UGT2A1: variants seen among roughly 807,000 people sequenced by gnomAD.
The protein encoded by UGT2A1 is UDP glucuronosyltransferase family 2 member A1 complex locus, also known as UDP-glucuronosyltransferase 2A1.
A neutral mutation model predicts 45.4 loss-of-function variants in UGT2A1; 61 were observed. The observed-to-expected ratio is 1.34, with a 90% CI of 1.09 to 1.66. The LOEUF (loss-of-function observed/expected upper bound fraction) is 1.66, where lower values mean the gene tolerates loss of function less well. Ranked by LOEUF, UGT2A1 falls within the 40% of genes most tolerant of loss-of-function variation. The pLI is 0.00. For missense variants in UGT2A1, 649 were observed against 574.3 expected (o/e 1.13, Z -1.33); for synonymous variants, 229 against 196.2 (o/e 1.17, Z -1.40).
chr4:69,646,991 T>A lies in UGT2A1; in HGVS notation c.654A>T (p.Leu218=). 2 of 1,611,658 alleles carry A rather than the reference T, an allele frequency of 1.2e-6. No individual in the cohort carries two copies. The highest frequency in any genetic ancestry group is 2.2e-5 in the South Asian group (2 of 90,792). ...AAAGAGTTTCAAACATGTAGTCCTG[T>A]AGGTGGTAGGAGATGAAATTTCTTA... ...DRIRNFISYH[L]QDYMFETLWK... Residue 218 remains leucine (L), a synonymous_variant, in exon 2 of 7, where the codon CTA becomes CTT. Transcript: ENST00000286604.
At chr4:69,638,768 T>C in intron 2 of UGT2A1, 1 of 1,170,714 alleles carries the variant, frequency 8.5e-7, no homozygotes, top group Non-Finnish European at 1.2e-6. Context: ...CAGGGAATTG[T>C]TTGTACAGAG....
At position 69,619,856 on chromosome 4, in the gene UGT2A1, A is replaced by G. The variant is rs575555668; in HGVS notation, c.847+15835T>C. 1.1e-4 allele frequency among the ~76,000 whole-genome samples: 16 copies of G among 152,166 alleles called. 1 individual carries two copies. In the South Asian group the frequency reaches 3.3e-3, roughly 32 times the overall value. The stretch of plus-strand genomic sequence containing the variant: ...AGGCAAGATTGGTTCAACATACACA[A>G]ATCAATACATGTGGTTCATCATGTA... On this transcript the variant is annotated intron_variant, in intron 3 of 6. Coordinates refer to ENST00000286604, the MANE Select transcript of UGT2A1 (RefSeq NM_001252275.3).
chr4:69,646,111 T>A (rs575367177), intron 2 of UGT2A1, among the ~76,000 whole-genome samples: 1 of 151,986 alleles, frequency 6.6e-6, no homozygotes, highest in East Asian at 1.9e-4. Flanking sequence ...CCTTTTAATG[T>A]CTGATTTATC....
At chr4:69,627,986 T>G (rs1171918953) in intron 3 of UGT2A1, among the ~76,000 whole-genome samples, 3 of 151,970 alleles carry the variant, frequency 2.0e-5, no homozygotes, top group African/African-American at 4.8e-5. Context: ...AGTTTGTTGA[T>G]TGTCTCTTTT....
chr4:69,638,606 C>T lies in UGT2A1; in HGVS notation c.716-2784G>A, dbSNP rs534929510. 2.6e-5 allele frequency among the ~76,000 whole-genome samples: 4 copies of T among 152,204 alleles called. No homozygotes were observed. The South Asian group carries it at 8.3e-4, about 32-fold the overall frequency. ...TTTTTCAGTAGTGTTATAATGTATC[C>T]TAATATGGGCACTTTCATTTATATT... is the stretch of plus-strand genomic sequence containing the variant. On this transcript the variant is annotated intron_variant, in intron 2 of 6. Transcript: ENST00000286604.
At chr4:69,616,229 A>G (rs1377749495) in intron 3 of UGT2A1, among the ~76,000 whole-genome samples, 1 of 151,938 alleles carries the variant, frequency 6.6e-6, no homozygotes, top group Non-Finnish European at 1.5e-5. Flanking sequence ...AGAGGCTGGG[A>G]AAGGTCTTGG....
intron 1 of UGT2A1, among the ~76,000 whole-genome samples, chr4:69,650,755 T>G (rs906264747): frequency 6.6e-6 from 1 of 152,162 alleles, no homozygotes; most frequent in African/African-American, 2.4e-5. Context: ...CCCTTCTCTT[T>G]CTCTTCCCTA....
intron 3 of UGT2A1, among the ~76,000 whole-genome samples, chr4:69,624,387 T>C (rs1323445733): frequency 1.3e-5 from 2 of 151,412 alleles, no homozygotes; most frequent in Non-Finnish European, 3.0e-5. Context: ...CAGAGTTTAG[T>C]CTTGCTTTTT....
intron 6 of UGT2A1, among the ~76,000 whole-genome samples, chr4:69,593,266 C>T (rs565393287): frequency 1.2e-4 from 18 of 151,920 alleles, no homozygotes; most frequent in Non-Finnish European, 2.2e-4. Flanking sequence ...TCTAATTCAA[C>T]GGTGAACACT....
chr4:69,611,050 AC>A (rs1720004953), intron 3 of UGT2A1, among the ~76,000 whole-genome samples: 1 of 152,124 alleles, frequency 6.6e-6, no homozygotes, highest in African/African-American at 2.4e-5. Context: ...AGAAAGCAAA[AC>A]CATTATTTAG....
intron 3 of UGT2A1, among the ~76,000 whole-genome samples, chr4:69,614,461 A>T (rs557980074): frequency 4.0e-4 from 61 of 151,578 alleles, no homozygotes; most frequent in African/African-American, 9.4e-4. Context: ...CAAATTAAAA[A>T]ATATATATAT....
intron 6 of UGT2A1, among the ~76,000 whole-genome samples, chr4:69,590,704 T>TAAA (rs1175135929): frequency 6.6e-6 from 1 of 152,032 alleles, no homozygotes; most frequent in Non-Finnish European, 1.5e-5. Context: ...AAGTAAGTAA[T>TAAA]TTCACATGGA....
chr4:69,650,941 T>C (rs929934553), intron 1 of UGT2A1, among the ~76,000 whole-genome samples: 2 of 151,936 alleles, frequency 1.3e-5, no homozygotes, highest in Non-Finnish European at 2.9e-5. Context: ...TGGATGTGCA[T>C]GACAAGCAGT....
At position 69,594,724 on chromosome 4, in the gene UGT2A1, G is replaced by T; in HGVS notation, c.1085-28C>A. 2.5e-6 allele frequency: 4 copies of T among 1,598,470 alleles called. 1 individual carries two copies. In the South Asian group the frequency reaches 4.5e-5, roughly 18 times the overall value. ...AATTTGAGGATGGAGTGAGAAGTGG[G>T]TGTGTAATAATAACACATTAGCAGA... On this transcript the variant is annotated intron_variant, in intron 5 of 6. Coordinates refer to ENST00000286604, the MANE Select transcript of UGT2A1 (RefSeq NM_001252275.3).
intron 3 of UGT2A1, among the ~76,000 whole-genome samples, chr4:69,613,759 T>C (rs2109922272): frequency 6.6e-6 from 1 of 152,142 alleles, no homozygotes; most frequent in African/African-American, 2.4e-5. Flanking sequence ...AGAAAAATAT[T>C]TGAGAACATT....
chr4:69,643,570 T>A (rs1164582137), intron 2 of UGT2A1, among the ~76,000 whole-genome samples: 5 of 151,628 alleles, frequency 3.3e-5, no homozygotes, highest in African/African-American at 4.8e-5. Flanking sequence ...TAGGAAGATA[T>A]TAATATATAC....
intron 2 of UGT2A1, among the ~76,000 whole-genome samples, chr4:69,645,148 T>A (rs1317981694): frequency 1.3e-5 from 2 of 151,868 alleles, no homozygotes; most frequent in African/African-American, 4.8e-5. Flanking sequence ...TGTGCATTAT[T>A]ACTTTGTTAT....
Position 69,644,630 on chromosome 4 carries a change from T to G in UGT2A1, c.715+2300A>C, listed in dbSNP as rs550476749. ...TTCACTTTTATCTTTATAGGACACTTGAAGGTTTATCTATAATCATTGTAG... is the reference window on the plus strand; with the variant it reads ...TTCACTTTTATCTTTATAGGACACTGGAAGGTTTATCTATAATCATTGTAG... On this transcript the variant is annotated intron_variant, in intron 2 of 6. Transcript: ENST00000286604. Among the ~76,000 whole-genome samples the G allele has an allele frequency of 4.9e-4, 74 of 151,836 alleles. 1 individual carries two copies. Among genetic ancestry groups the G allele is most frequent in the African/African-American group, 1.5e-3 (62 of 41,530 alleles).
rs1204374357 is a variant in UGT2A1 at position 69,595,240 on chromosome 4, T to C, written c.1006A>G (p.Arg336Gly). The change falls in exon 5 of 7, where the codon AGA (arginine) becomes GGA (glycine). Residue 336 changes from arginine to glycine, a missense_variant. Coordinates refer to ENST00000286604, the MANE Select transcript of UGT2A1 (RefSeq NM_001252275.3). ...GTGGCTGGTTTCTTTCCTTTGTATC[T>C]CCATAAAACCTGTGGAAAATGGTGC... ...PAKPLPKVLW[R>G]YKGKKPATLG... is the part of the protein sequence containing the mutation. 2 of 1,613,738 alleles carry C rather than the reference T, an allele frequency of 1.2e-6. No individual in the cohort carries two copies. Among genetic ancestry groups the C allele is most frequent in the Admixed American group, 3.3e-5 (2 of 59,998 alleles).
Sources: gnomAD v4.1 joint callset for allele counts (sites outside exome capture counted in the v4.1 genomes callset) on GRCh38, gnomAD v4.1.1 for gene constraint, MANE v1.5 for transcripts, NCBI Gene and HGNC (gene_info 2026-07-23, HGNC 2026-07-21) for gene names.